Variants in RAD51B observed in about 807,000 individuals in gnomAD.
The protein encoded by RAD51B is RAD51 paralog B, also known as DNA repair protein RAD51 homolog 2.
In RAD51B, 38 loss-of-function variants were observed where a neutral mutation model predicts 42.2. That is an observed-to-expected ratio of 0.90 (90% CI 0.70 to 1.18). The LOEUF (loss-of-function observed/expected upper bound fraction) is 1.18. Among genes scored for constraint, RAD51B ranks in the 50% most tolerant of loss-of-function variants. The pLI, the probability that RAD51B is intolerant of heterozygous loss-of-function variation, is 0.00. For synonymous variants in RAD51B, 154 were observed against 145.2 expected (o/e 1.06, Z -0.43); for missense variants, 373 against 400.7 (o/e 0.93, Z 0.59).
rs78004022 is a variant in RAD51B at position 68,620,116 on chromosome 14, C to T, written c.1037-30665C>T. Among the ~76,000 whole-genome samples, 278 of 152,328 alleles carry T rather than the reference C, an allele frequency of 1.8e-3. 9 individuals carry two copies. In the East Asian group the frequency reaches 0.049, roughly 27 times the overall value. ...TGATGCTTCTCTGGGAATCAGACCTCCTTACCCTTCCTCTTGCATAGGCTT... is the reference window on the plus strand; with the variant it reads ...TGATGCTTCTCTGGGAATCAGACCTTCTTACCCTTCCTCTTGCATAGGCTT... On this transcript the variant is annotated intron_variant, in intron 10 of 11. Transcript: ENST00000488612.
Position 67,972,415 on chromosome 14 carries a change from C to T in RAD51B, c.756+85211C>T, listed in dbSNP as rs1051765240. ...CTGGGAAGGGCCTAGACTTTAGAGGCGACAGGCTTATGGTGTGTCCTGGAG... is the reference window on the plus strand; with the variant it reads ...CTGGGAAGGGCCTAGACTTTAGAGGTGACAGGCTTATGGTGTGTCCTGGAG... On this transcript the variant is annotated intron_variant, in intron 7 of 10. Coordinates refer to ENST00000471583, the MANE Select transcript of RAD51B (RefSeq NM_133510.4). Among the ~76,000 whole-genome samples, 8 of 151,934 alleles carry T rather than the reference C, an allele frequency of 5.3e-5. No individual in the cohort carries two copies. The East Asian group carries it at 1.3e-3, about 26-fold the overall frequency.
In RAD51B at chr14:68,568,117, A is replaced by G. The variant is rs140495043; in HGVS notation, c.1037-26368A>G. Among the ~76,000 whole-genome samples the G allele has an allele frequency of 1.5e-3, 230 of 152,356 alleles. 3 individuals are homozygous for G. The highest frequency in any genetic ancestry group is 5.2e-3 in the African/African-American group (216 of 41,572). On this transcript the variant is annotated intron_variant, in intron 10 of 10. Transcript: ENST00000487270. ...AACAGCTACTATGTACTAACCACCA[A>G]TGATACAAAAAATGAATAAAATGGC...
At chr14:68,241,709 C>T (rs895900368) in intron 7 of RAD51B, among the ~76,000 whole-genome samples, 2 of 151,876 alleles carry the variant, frequency 1.3e-5, no homozygotes, top group African/African-American at 4.8e-5. Flanking sequence ...TTCTGCCCAT[C>T]TCCCTGCCCT....
chr14:68,191,903 A>G (rs758825169), intron 7 of RAD51B, among the ~76,000 whole-genome samples: 26 of 152,224 alleles, frequency 1.7e-4, no homozygotes, highest in Non-Finnish European at 3.4e-4. Flanking sequence ...GACTGTTCAC[A>G]AATGTTTGGA....
At chr14:68,495,635 C>T (rs1194390032) in intron 10 of RAD51B, among the ~76,000 whole-genome samples, 1 of 152,180 alleles carries the variant, frequency 6.6e-6, no homozygotes, top group East Asian at 1.9e-4. Flanking sequence ...CTGTGGGGCT[C>T]AGACCCCTTC....
chr14:68,602,216 C>T (rs916183962), intron 10 of RAD51B, among the ~76,000 whole-genome samples: 8 of 152,046 alleles, frequency 5.3e-5, no homozygotes, highest in African/African-American at 1.9e-4. Context: ...GTCCACCTTC[C>T]TGTCTGGTCC....
intron 7 of RAD51B, among the ~76,000 whole-genome samples, chr14:68,061,147 C>A (rs1219333489): frequency 1.3e-5 from 2 of 148,610 alleles, no homozygotes; most frequent in African/African-American, 5.0e-5. Context: ...TGGCTCACTG[C>A]AACCTCTGCC....
intron 11 of RAD51B, among the ~76,000 whole-genome samples, chr14:68,670,165 C>T (rs958954900): frequency 4.6e-5 from 7 of 152,144 alleles, no homozygotes; most frequent in Non-Finnish European, 1.5e-5. Context: ...CAGACCAGGC[C>T]GACCCTTCCT....
chr14:68,197,177 T>G (rs1216613772), intron 7 of RAD51B, among the ~76,000 whole-genome samples: 1 of 152,178 alleles, frequency 6.6e-6, no homozygotes, highest in Non-Finnish European at 1.5e-5. Context: ...AAAAAATATT[T>G]TCTTGTGTTC....
chr14:68,272,055 A>C (rs1462743311), intron 7 of RAD51B, among the ~76,000 whole-genome samples: 1 of 152,244 alleles, frequency 6.6e-6, no homozygotes, highest in East Asian at 1.9e-4. Flanking sequence ...TGTCACCAAC[A>C]GTTCTGTTAT....
intron 10 of RAD51B, among the ~76,000 whole-genome samples, chr14:68,495,048 A>G (rs997879586): frequency 6.6e-6 from 1 of 152,158 alleles, no homozygotes; most frequent in Non-Finnish European, 1.5e-5. Context: ...TGCAAGGTGA[A>G]CGGCCAGAGT....
intron 7 of RAD51B, among the ~76,000 whole-genome samples, chr14:68,182,477 T>G (rs2079075695): frequency 6.6e-6 from 1 of 152,238 alleles, no homozygotes; most frequent in Non-Finnish European, 1.5e-5. Flanking sequence ...CATATGTCCT[T>G]TTTATATATT....
downstream of RAD51B, among the ~76,000 whole-genome samples, chr14:68,613,795 T>C (rs1177485515): frequency 6.6e-6 from 1 of 152,170 alleles, no homozygotes; most frequent in Admixed American, 6.5e-5. Flanking sequence ...CATAATATTC[T>C]TGGGAGGGCG....
chr14:68,205,926 A>G (rs948887440), intron 7 of RAD51B, among the ~76,000 whole-genome samples: 1 of 152,170 alleles, frequency 6.6e-6, no homozygotes, highest in Admixed American at 6.5e-5. Context: ...CTTCTATCTA[A>G]TCTACCATTT....
chr14:68,439,568 C>T (rs7152152), intron 9 of RAD51B, among the ~76,000 whole-genome samples: 103,144 of 151,978 alleles, frequency 0.68, 36,388 homozygotes, highest in East Asian at 0.92. Context: ...ATCTCTTCTC[C>T]ATTGTCCCTG....
At position 68,634,453 on chromosome 14, in the gene RAD51B, G is replaced by A. The variant is rs114618847; in HGVS notation, c.1037-16328G>A. ...GAAGGATGAAGTGCCTTGTGATGTGGGGAGGAGAGAACGTGCTCAAAAGCC... is the reference window on the plus strand; with the variant it reads ...GAAGGATGAAGTGCCTTGTGATGTGAGGAGGAGAGAACGTGCTCAAAAGCC... On this transcript the variant is annotated intron_variant, in intron 10 of 11. Coordinates refer to the RAD51B transcript ENST00000488612. Among the ~76,000 whole-genome samples the A allele has an allele frequency of 5.9e-3, 896 of 152,206 alleles. 10 individuals are homozygous for A. The highest frequency in any genetic ancestry group is 0.02 in the African/African-American group (845 of 41,504).
At chr14:68,032,769 G>T (rs1368915087) in intron 7 of RAD51B, among the ~76,000 whole-genome samples, 2 of 152,138 alleles carry the variant, frequency 1.3e-5, no homozygotes, top group African/African-American at 4.8e-5. Flanking sequence ...ATTCTAATGA[G>T]TTTTCTTGCT....
At chr14:67,939,976 TA>T (rs1311596453) in intron 7 of RAD51B, among the ~76,000 whole-genome samples, 39 of 119,514 alleles carry the variant, frequency 3.3e-4, no homozygotes, top group South Asian at 2.7e-3. Flanking sequence ...TATATATATA[TA>T]AAAAAATAAA....
chr14:67,850,847 G>A (rs966019171), intron 4 of RAD51B, among the ~76,000 whole-genome samples: 4 of 152,136 alleles, frequency 2.6e-5, no homozygotes, highest in African/African-American at 9.7e-5. Context: ...AATGTAGATT[G>A]TTGCCCAGTC....
Sources: gnomAD v4.1 joint callset for allele counts (sites outside exome capture counted in the v4.1 genomes callset) on GRCh38, gnomAD v4.1.1 for gene constraint, MANE v1.5 for transcripts, NCBI Gene and HGNC (gene_info 2026-07-23, HGNC 2026-07-21) for gene names.